The following DNM3 variants were observed in gnomAD, a reference collection of about 807,000 sequenced individuals.
DNM3 encodes dynamin 3, also known as dynamin-3.
DNM3 carries 47 observed loss-of-function variants against 101.6 expected under a neutral mutation model. That is an observed-to-expected ratio of 0.46 (90% CI 0.37 to 0.59). The LOEUF (loss-of-function observed/expected upper bound fraction) is 0.59, where lower values mean the gene tolerates loss of function less well. DNM3 is among the 20% of genes least tolerant of loss of function. DNM3 has a pLI of 0.00. For missense variants in DNM3, 849 were observed against 1,085.7 expected (o/e 0.78, Z 3.06); for synonymous variants, 385 against 387.9 (o/e 0.99, Z 0.09).
chr1:172,160,242 G>A (rs61046549), intron 14 of DNM3, among the ~76,000 whole-genome samples: 52,939 of 151,582 alleles, frequency 0.35, 12,121 homozygotes, highest in African/African-American at 0.65. Flanking sequence ...CTAAATTTAT[G>A]CAAATATTTT....
intron 13 of DNM3, among the ~76,000 whole-genome samples, chr1:172,119,458 T>C (rs2056156373): frequency 6.6e-6 from 1 of 152,184 alleles, no homozygotes; most frequent in Non-Finnish European, 1.5e-5. Context: ...CTTTCATTCA[T>C]TTTTGTAGTA....
chr1:172,312,688 C>A (rs1321400223), intron 16 of DNM3, among the ~76,000 whole-genome samples: 1 of 152,072 alleles, frequency 6.6e-6, no homozygotes, highest in East Asian at 1.9e-4. Flanking sequence ...TCTTTCCCTT[C>A]ATCCATCACT....
intron 2 of DNM3, among the ~76,000 whole-genome samples, chr1:171,966,090 A>T (rs987836516): frequency 6.6e-6 from 1 of 152,222 alleles, no homozygotes; most frequent in African/African-American, 2.4e-5. Flanking sequence ...CACTTGGTCC[A>T]TAGAGATACT....
intron 1 of DNM3, among the ~76,000 whole-genome samples, chr1:171,842,273 G>T (rs2031362048): frequency 6.6e-6 from 1 of 152,142 alleles, no homozygotes; most frequent in African/African-American, 2.4e-5. Context: ...CTGTGAGGCT[G>T]TGGGGCTTTA....
intron 4 of DNM3, among the ~76,000 whole-genome samples, chr1:171,997,617 T>TACAC (rs2125656246): frequency 1.3e-5 from 2 of 152,312 alleles, no homozygotes; most frequent in South Asian, 4.1e-4. Context: ...CGTGCTCATA[T>TACAC]ACACTAACAA....
At chr1:171,925,475 C>T (rs1163136515) in intron 2 of DNM3, among the ~76,000 whole-genome samples, 1 of 152,098 alleles carries the variant, frequency 6.6e-6, no homozygotes, top group Non-Finnish European at 1.5e-5. Context: ...CGTGATCTGC[C>T]TGCCTTGGCC....
chr1:172,237,196 G>A lies in DNM3; in HGVS notation c.1660-16377G>A, dbSNP rs2061576567. Among the ~76,000 whole-genome samples the A allele has an allele frequency of 2.0e-5, 3 of 152,132 alleles. No homozygotes were observed. The South Asian group carries it at 6.2e-4, about 32-fold the overall frequency. On this transcript the variant is annotated intron_variant, in intron 14 of 20. Coordinates refer to ENST00000627582, the MANE Select transcript of DNM3 (RefSeq NM_015569.5). ...TATTAAAATAGTACTTCTTCCCCCT[G>A]AAAAGATGAAAATGCTTTTGTATCT...
At chr1:172,287,237 T>TG (rs1213777110) in intron 15 of DNM3, among the ~76,000 whole-genome samples, 1 of 152,238 alleles carries the variant, frequency 6.6e-6, no homozygotes, top group Non-Finnish European at 1.5e-5. Flanking sequence ...TTTTAGCATT[T>TG]GGGGATGAGA....
At chr1:172,369,304 G>A (rs1247411151) in intron 17 of DNM3, among the ~76,000 whole-genome samples, 1 of 151,946 alleles carries the variant, frequency 6.6e-6, no homozygotes, top group African/African-American at 2.4e-5. Context: ...TCTCAAGGAT[G>A]CAAGGATGGT....
chr1:171,933,727 T>G (rs2125378553), intron 2 of DNM3, among the ~76,000 whole-genome samples: 1 of 152,100 alleles, frequency 6.6e-6, no homozygotes, highest in East Asian at 1.9e-4. Flanking sequence ...AAAGGGAACA[T>G]GATAGAAGGA....
intron 14 of DNM3, chr1:172,140,193 T>C (rs928006296): frequency 6.6e-6 from 1 of 152,082 alleles, no homozygotes; most frequent in African/African-American, 2.4e-5. Context: ...TCTGGACTTT[T>C]ATGCAGTGAT....
chr1:172,092,846 G>A lies in DNM3; in HGVS notation c.1516G>A (p.Val506Ile). Reference protein sequence around the residue: ...FANAQQRSSQVHKKTTVGNQV... With the variant: ...FANAQQRSSQIHKKTTVGNQV... ...CAGTGCTCAGCAGAGGAGCAGTCAG[G>A]TTCACAAGAAAACCACAGTTGGAAA... Residue 506 changes from valine to isoleucine, a missense_variant, in exon 13 of 21, where the codon GTT (valine) becomes ATT (isoleucine). Coordinates refer to ENST00000627582, the MANE Select transcript of DNM3 (RefSeq NM_015569.5). 6.4e-7 allele frequency: 1 copy of A among 1,559,744 alleles called. No homozygotes were observed.
At chr1:171,932,696 T>C (rs148464450) in intron 2 of DNM3, among the ~76,000 whole-genome samples, 1 of 152,374 alleles carries the variant, frequency 6.6e-6, no homozygotes, top group African/African-American at 2.4e-5. Flanking sequence ...TTAACCATCT[T>C]ATTCTACATT....
chr1:172,132,921 C>A lies in DNM3; in HGVS notation c.1659+1633C>A, dbSNP rs1336356082. The stretch of plus-strand genomic sequence containing the variant: ...AGTCTTGGCGAGGATAACCAACTTA[C>A]CAAAGTCACACAGCTAGTTGGTGGC... On this transcript the variant is annotated intron_variant, in intron 14 of 20. Coordinates refer to ENST00000627582, the MANE Select transcript of DNM3 (RefSeq NM_015569.5). 3.0e-6 allele frequency: 4 copies of A among 1,318,690 alleles called. No homozygotes were observed. The South Asian group carries it at 5.0e-5, about 17-fold the overall frequency. 81.7% of individuals were successfully genotyped at this position (1,318,690 alleles called of 1,614,324 possible).
chr1:172,403,048 G>C (rs1558096752), intron 20 of DNM3, among the ~76,000 whole-genome samples: 1 of 152,130 alleles, frequency 6.6e-6, no homozygotes, highest in African/African-American at 2.4e-5. Flanking sequence ...TTTTAACAAG[G>C]CTTCCAGGGA....
intron 17 of DNM3, among the ~76,000 whole-genome samples, chr1:172,342,275 A>G (rs540392505): frequency 2.6e-5 from 4 of 152,308 alleles, no homozygotes; most frequent in Non-Finnish European, 5.9e-5. Context: ...CCAAAGGAAT[A>G]TAAATTGTTC....
chr1:172,131,126 GT>G, intron 13 of DNM3, 48 bp from the exon 14 acceptor site: 1 of 1,529,186 alleles, frequency 6.5e-7, no homozygotes, highest in Non-Finnish European at 9.0e-7. Flanking sequence ...CTAATCTCCA[GT>G]GGCTTTTGTT....
At chr1:172,271,527 T>C (rs2063085640) in intron 15 of DNM3, among the ~76,000 whole-genome samples, 1 of 152,150 alleles carries the variant, frequency 6.6e-6, no homozygotes, top group African/African-American at 2.4e-5. Context: ...TTACAATATG[T>C]TGTTTTGGTT....
intron 11 of DNM3, among the ~76,000 whole-genome samples, chr1:172,079,735 G>GT (rs1558535869): frequency 1.3e-5 from 2 of 152,044 alleles, no homozygotes; most frequent in South Asian, 2.1e-4. Context: ...TTTTTGCACT[G>GT]TTTTTTTCCT....
Sources: gnomAD v4.1 joint callset for allele counts (sites outside exome capture counted in the v4.1 genomes callset) on GRCh38, gnomAD v4.1.1 for gene constraint, MANE v1.5 for transcripts, NCBI Gene and HGNC (gene_info 2026-07-23, HGNC 2026-07-21) for gene names.